Variants in TIAM2 observed in about 807,000 individuals in gnomAD.
The protein encoded by TIAM2 is rho guanine nucleotide exchange factor TIAM2.
A neutral mutation model predicts 152.9 loss-of-function variants in TIAM2; 80 were observed. That is an observed-to-expected ratio of 0.52 (90% CI 0.44 to 0.63). TIAM2 has a LOEUF of 0.63. TIAM2 is among the 30% of genes least tolerant of loss of function. TIAM2 has a pLI of 0.00. For synonymous variants in TIAM2, 804 were observed against 838.0 expected, an observed-to-expected ratio of 0.96 and a Z score of 0.70; for missense variants, 1,965 against 2,120.1, an observed-to-expected ratio of 0.93 and a Z score of 1.44.
At chr6:155,025,731 G>C (rs4326247) in intron 1 of TIAM2, among the ~76,000 whole-genome samples, 1 of 151,396 alleles carries the variant, frequency 6.6e-6, no homozygotes, top group Non-Finnish European at 1.5e-5. Flanking sequence ...CTGAGGTTTG[G>C]GTAGTACCCG....
At chr6:155,070,616 G>A (rs1313281943) in intron 1 of TIAM2, among the ~76,000 whole-genome samples, 4 of 152,228 alleles carry the variant, frequency 2.6e-5, no homozygotes, top group Non-Finnish European at 4.4e-5. Context: ...TTTCTAGTAA[G>A]CATCTTTCCT....
intron 1 of TIAM2, among the ~76,000 whole-genome samples, chr6:155,074,091 T>C (rs1170354603): frequency 6.6e-6 from 1 of 152,198 alleles, no homozygotes; most frequent in Non-Finnish European, 1.5e-5. Context: ...ACCATTATGA[T>C]ACCAGGTCCT....
chr6:155,048,168 GT>G (rs1777244811), intron 1 of TIAM2, among the ~76,000 whole-genome samples: 1 of 152,156 alleles, frequency 6.6e-6, no homozygotes, highest in African/African-American at 2.4e-5. Context: ...GGCCAGGCTG[GT>G]TTTGAACGCC....
chr6:155,185,445 A>G (rs1054834401), intron 14 of TIAM2, among the ~76,000 whole-genome samples: 3 of 151,388 alleles, frequency 2.0e-5, no homozygotes, highest in African/African-American at 7.3e-5. Context: ...TTTCTTTTTA[A>G]ATTTTTTTTT....
intron 1 of TIAM2, among the ~76,000 whole-genome samples, chr6:155,017,240 C>T (rs1220213857): frequency 6.6e-6 from 1 of 152,024 alleles, no homozygotes; most frequent in Non-Finnish European, 1.5e-5. Context: ...TAAGGCTTAT[C>T]CAGGAAAACT....
chr6:155,186,642 G>C lies in TIAM2; in HGVS notation c.3064+3142G>C, dbSNP rs1222386127. On this transcript the variant is annotated intron_variant, in intron 14 of 26. Coordinates refer to ENST00000682666, the MANE Select transcript of TIAM2 (RefSeq NM_012454.4). This position sits in a 1 kb window ranked among gnomAD's most constrained non-coding sequence, Gnocchi z 4.5. ...GCATGTTCAGCCCAGCGTTTCACTT[G>C]GCAGGAATTCTGAAAACGTGCTTCT... 6.6e-6 allele frequency among the ~76,000 whole-genome samples: 1 copy of C among 152,084 alleles called. No homozygotes were observed. The highest frequency in any genetic ancestry group is 1.5e-5 in the Non-Finnish European group (1 of 68,026).
intron 1 of TIAM2, among the ~76,000 whole-genome samples, chr6:155,082,440 C>T (rs180969575): frequency 2.3e-4 from 35 of 152,062 alleles, no homozygotes; most frequent in Middle Eastern, 3.4e-3. Context: ...TACCTGAGGT[C>T]GGGAGTTCAA....
intron 7 of TIAM2, among the ~76,000 whole-genome samples, chr6:155,163,690 T>C (rs951774840): frequency 5.9e-5 from 9 of 152,242 alleles, no homozygotes; most frequent in Non-Finnish European, 1.3e-4. Context: ...AAACATAAAG[T>C]CATTGCTTTT....
intron 1 of TIAM2, among the ~76,000 whole-genome samples, chr6:155,062,065 C>T (rs866186545): frequency 1.1e-4 from 16 of 151,800 alleles, no homozygotes; most frequent in South Asian, 2.1e-4. Context: ...GGCTTACCCT[C>T]GCCACCGCCC....
intron 1 of TIAM2, chr6:155,016,218 A>G (rs1178435710): frequency 1.3e-5 from 2 of 152,196 alleles, no homozygotes; most frequent in Non-Finnish European, 2.9e-5. Flanking sequence ...GCACAAGAAT[A>G]TTTATTGCAG....
At chr6:155,207,749 G>A (rs1021911863) in intron 14 of TIAM2, among the ~76,000 whole-genome samples, 28 of 152,298 alleles carry the variant, frequency 1.8e-4, no homozygotes, top group African/African-American at 6.5e-4. Flanking sequence ...CTGACAGGAA[G>A]GGGTCAGTAT....
At chr6:155,034,989 C>T (rs1776895806) in intron 1 of TIAM2, among the ~76,000 whole-genome samples, 1 of 151,978 alleles carries the variant, frequency 6.6e-6, no homozygotes, top group Admixed American at 6.6e-5. Flanking sequence ...AAACCAAAAC[C>T]CACCATAATA....
intron 14 of TIAM2, among the ~76,000 whole-genome samples, chr6:155,191,664 C>T (rs1475730730): frequency 6.6e-6 from 1 of 152,032 alleles, no homozygotes; most frequent in Non-Finnish European, 1.5e-5. Flanking sequence ...TTGTGGCGCA[C>T]ACCTGTAGTT....
At chr6:155,058,554 A>G (rs570534895) in intron 1 of TIAM2, among the ~76,000 whole-genome samples, 1 of 152,356 alleles carries the variant, frequency 6.6e-6, no homozygotes, top group East Asian at 1.9e-4. Context: ...GTTTTTGACA[A>G]CATACTATAT....
chr6:155,238,663 A>T (rs1362927202), intron 15 of TIAM2, among the ~76,000 whole-genome samples: 4 of 152,136 alleles, frequency 2.6e-5, no homozygotes, highest in African/African-American at 9.7e-5. Context: ...CAACCCTTTC[A>T]CCGAAGCCTT....
chr6:155,155,287 G>A (rs1408689808), intron 7 of TIAM2, among the ~76,000 whole-genome samples: 1 of 150,320 alleles, frequency 6.7e-6, no homozygotes, highest in Non-Finnish European at 1.5e-5. Context: ...AGTGATTCTC[G>A]TCCCTCAGCC....
intron 1 of TIAM2, among the ~76,000 whole-genome samples, chr6:155,018,496 G>A (rs1168034045): frequency 6.6e-6 from 1 of 151,094 alleles, no homozygotes; most frequent in Non-Finnish European, 1.5e-5. Flanking sequence ...GCGAGCTCCT[G>A]TAATCCCAGC....
At chr6:155,234,879 CAG>C (rs1237697311) in intron 15 of TIAM2, among the ~76,000 whole-genome samples, 1 of 152,222 alleles carries the variant, frequency 6.6e-6, no homozygotes, top group Non-Finnish European at 1.5e-5. Context: ...ACATGGGAGG[CAG>C]AGGCAGCAGG....
At chr6:155,029,330 ATG>A (rs1256266391) in intron 1 of TIAM2, among the ~76,000 whole-genome samples, 6 of 106,376 alleles carry the variant, frequency 5.6e-5, no homozygotes, top group Admixed American at 5.5e-4. Flanking sequence ...TATATGTACT[ATG>A]TGTTATATAT....
Sources: gnomAD v4.1 joint callset for allele counts (sites outside exome capture counted in the v4.1 genomes callset) on GRCh38, gnomAD v4.1.1 for gene constraint, Gnocchi (gnomAD v3.1) non-coding constraint, MANE v1.5 for transcripts, NCBI Gene and HGNC (gene_info 2026-07-23, HGNC 2026-07-21) for gene names.